Variants in PLPPR5 observed in about 807,000 individuals in gnomAD.
PLPPR5 encodes phospholipid phosphatase related 5, also known as phospholipid phosphatase-related protein type 5.
A neutral mutation model predicts 33.9 loss-of-function variants in PLPPR5; 16 were observed. The ratio of observed to expected loss-of-function variants is 0.47; its 90% confidence interval spans 0.32 to 0.72. PLPPR5 has a LOEUF of 0.72. Ranked by LOEUF, PLPPR5 falls within the 30% of genes least tolerant of loss-of-function variation. PLPPR5 has a pLI of 0.03. For synonymous variants in PLPPR5, 163 were observed against 150.3 expected (o/e 1.08, Z -0.62); for missense variants, 301 against 406.7 (o/e 0.74, Z 2.23).
At chr1:98,931,479 C>T (rs1423027321) in intron 3 of PLPPR5, among the ~76,000 whole-genome samples, 1 of 152,106 alleles carries the variant, frequency 6.6e-6, no homozygotes, top group Non-Finnish European at 1.5e-5. Context: ...AGCTGGGATT[C>T]AAACTCAAGC....
rs551818951 is a variant in PLPPR5 at position 98,944,845 on chromosome 1, T to C, written c.621+8225A>G. 2.6e-5 allele frequency among the ~76,000 whole-genome samples: 4 copies of C among 152,332 alleles called. No individual in the cohort carries two copies. The East Asian group carries it at 5.8e-4, about 22-fold the overall frequency. On this transcript the variant is annotated intron_variant, in intron 3 of 5. Transcript: ENST00000263177. Reference sequence around the variant, plus strand: ...GGGAAAACATAGAGTCTGGAGCTTATGGCAGGCTCCAGTGGGAGCATCGCA... The same window carrying C: ...GGGAAAACATAGAGTCTGGAGCTTACGGCAGGCTCCAGTGGGAGCATCGCA...
intron 1 of PLPPR5, among the ~76,000 whole-genome samples, chr1:98,980,196 C>A (rs1345665759): frequency 1.3e-5 from 2 of 152,032 alleles, no homozygotes; most frequent in Non-Finnish European, 2.9e-5. Flanking sequence ...TGTGGCTTGA[C>A]CTGCCTATAT....
At chr1:98,952,089 C>T (rs951484438) in intron 3 of PLPPR5, among the ~76,000 whole-genome samples, 3 of 151,996 alleles carry the variant, frequency 2.0e-5, no homozygotes, top group African/African-American at 7.3e-5. Flanking sequence ...ATGGTGAAAC[C>T]CCATCTCTAC....
intron 3 of PLPPR5, among the ~76,000 whole-genome samples, chr1:98,935,304 T>G (rs1005069875): frequency 1.3e-5 from 2 of 152,168 alleles, no homozygotes; most frequent in African/African-American, 4.8e-5. Flanking sequence ...AAAGAATGAA[T>G]AATTTCAACC....
At chr1:98,995,974 C>G (rs546277172) in intron 1 of PLPPR5, among the ~76,000 whole-genome samples, 108 of 151,776 alleles carry the variant, frequency 7.1e-4, no homozygotes, top group Non-Finnish European at 1.2e-3. Context: ...TTGAGATGCT[C>G]AAGTCTAGTT....
At chr1:98,938,591 T>G (rs1650258806) in intron 3 of PLPPR5, among the ~76,000 whole-genome samples, 1 of 150,504 alleles carries the variant, frequency 6.6e-6, no homozygotes, top group Non-Finnish European at 1.5e-5. Flanking sequence ...AAGTAATATA[T>G]ATCATTCTAT....
At chr1:98,990,421 T>C (rs771937018) in intron 1 of PLPPR5, among the ~76,000 whole-genome samples, 32 of 152,004 alleles carry the variant, frequency 2.1e-4, no homozygotes, top group Admixed American at 5.2e-4. Flanking sequence ...GCACATACCA[T>C]ACTATATAAA....
chr1:98,970,430 T>C (rs1013578345), intron 1 of PLPPR5, among the ~76,000 whole-genome samples: 1 of 152,020 alleles, frequency 6.6e-6, no homozygotes, highest in African/African-American at 2.4e-5. Flanking sequence ...TGCAAGCCAA[T>C]TTAAGGGTTT....
rs763477562 is a variant in PLPPR5 at position 98,920,593 on chromosome 1, C to CAAAAAAAAAAAAAAAAAAAAA, written c.798+1288_798+1289insTTTTTTTTTTTTTTTTTTTTT. The stretch of plus-strand genomic sequence containing the variant: ...TGGGAATCACAGAGAGTGGTATCAC[C>CAAAAAAAAAAAAAAAAAAAAA]AAAAAAAAAAAAAAAAGCAGCACAG... On this transcript the variant is annotated intron_variant, in intron 4 of 5. Coordinates refer to ENST00000263177, the MANE Select transcript of PLPPR5 (RefSeq NM_001037317.2). 9.9e-4 allele frequency among the ~76,000 whole-genome samples: 68 copies of CAAAAAAAAAAAAAAAAAAAAA among 69,016 alleles called. 14 individuals carry two copies. The highest frequency in any genetic ancestry group is 1.5e-3 in the Non-Finnish European group (50 of 33,848). The allele number at this position is 69,016 out of a possible 152,430, so 45.3% of individuals were successfully genotyped here.
chr1:98,922,072 TA>T lies in PLPPR5; in HGVS notation c.622-15del, dbSNP rs79819201. The T allele has an allele frequency of 3.9e-6, 6 of 1,554,768 alleles. No homozygotes were observed. In the Admixed American group the frequency reaches 7.1e-5, roughly 18 times the overall value. ...GGTGATGTACATCTGAAACATTCAATAAAAAAAATGACTTTTCATGAAGGTA... is the reference window on the plus strand; with the variant it reads ...GGTGATGTACATCTGAAACATTCAATAAAAAAATGACTTTTCATGAAGGTA... On this transcript the variant is annotated splice_polypyrimidine_tract_variant and intron_variant, in intron 3 of 5. Transcript: ENST00000263177.
In PLPPR5 at chr1:99,004,482, G is replaced by A. The variant is rs1652995028; in HGVS notation, c.190C>T (p.Pro64Ser). Residue 64 changes from proline to serine, a missense_variant, in exon 1 of 6, where the codon CCC becomes TCC. By Grantham distance (74) the Pro-to-Ser change is moderately conservative. Transcript: ENST00000263177. ...YPGPEDSSAVPPVLLYSLAAG... is the reference protein window; with the variant it reads ...YPGPEDSSAVSPVLLYSLAAG... ...GCCAGCGAGTAGAGGAGCACGGGGGGCACGGCGCTGCTGTCCTCCGGGCCC... is the reference window on the plus strand; with the variant it reads ...GCCAGCGAGTAGAGGAGCACGGGGGACACGGCGCTGCTGTCCTCCGGGCCC... 5.6e-6 allele frequency: 9 copies of A among 1,612,300 alleles called. No homozygotes were observed. The highest frequency in any genetic ancestry group is 1.7e-5 in the Admixed American group (1 of 59,886).
At chr1:98,979,643 G>C (rs1324056616) in intron 1 of PLPPR5, among the ~76,000 whole-genome samples, 1 of 151,986 alleles carries the variant, frequency 6.6e-6, no homozygotes, top group Non-Finnish European at 1.5e-5. Flanking sequence ...TCTGGTCCCA[G>C]GTTGCAGATT....
At chr1:98,925,604 T>C (rs568927112) in intron 3 of PLPPR5, among the ~76,000 whole-genome samples, 2 of 152,358 alleles carry the variant, frequency 1.3e-5, no homozygotes, top group East Asian at 1.9e-4. Flanking sequence ...ATTGACTCAC[T>C]TGTTATAATA....
At chr1:98,920,820 C>T (rs536991348) in intron 4 of PLPPR5, among the ~76,000 whole-genome samples, 3 of 152,096 alleles carry the variant, frequency 2.0e-5, no homozygotes, top group African/African-American at 7.2e-5. Flanking sequence ...TCAAAATGGA[C>T]ATAAAGTATT....
chr1:98,915,507 T>C (rs1367776611), intron 4 of PLPPR5, among the ~76,000 whole-genome samples: 1 of 151,768 alleles, frequency 6.6e-6, no homozygotes, highest in Non-Finnish European at 1.5e-5. Flanking sequence ...CATGTATACA[T>C]ATGTAACCTG....
At chr1:98,946,323 C>A (rs948637499) in intron 3 of PLPPR5, among the ~76,000 whole-genome samples, 1 of 152,158 alleles carries the variant, frequency 6.6e-6, no homozygotes, top group Non-Finnish European at 1.5e-5. Flanking sequence ...GAATCAAACA[C>A]AGCCATTCTG....
chr1:98,930,056 A>C (rs1046753556), intron 3 of PLPPR5, among the ~76,000 whole-genome samples: 2 of 152,234 alleles, frequency 1.3e-5, no homozygotes, highest in African/African-American at 4.8e-5. Flanking sequence ...CTGACTAGCA[A>C]GTAAGGAACT....
At chr1:98,919,618 C>T (rs1649474896) in intron 4 of PLPPR5, among the ~76,000 whole-genome samples, 3 of 152,172 alleles carry the variant, frequency 2.0e-5, no homozygotes. Flanking sequence ...ACCATTCCAC[C>T]TCCTAAATAT....
intron 1 of PLPPR5, among the ~76,000 whole-genome samples, chr1:98,985,783 C>T (rs1159660835): frequency 6.6e-6 from 1 of 152,016 alleles, no homozygotes; most frequent in Non-Finnish European, 1.5e-5. Flanking sequence ...CTAGGAACAA[C>T]AGATTATTCC....
Sources: gnomAD v4.1 joint callset for allele counts (sites outside exome capture counted in the v4.1 genomes callset) on GRCh38, gnomAD v4.1.1 for gene constraint, MANE v1.5 for transcripts, NCBI Gene and HGNC (gene_info 2026-07-23, HGNC 2026-07-21) for gene names.